SLC17A5: variants seen among roughly 807,000 people sequenced by gnomAD.
The protein encoded by SLC17A5 is sialin.
A neutral mutation model predicts 59.4 loss-of-function variants in SLC17A5; 47 were observed. The ratio of observed to expected loss-of-function variants is 0.79; its 90% CI spans 0.63 to 1.01. The LOEUF (loss-of-function observed/expected upper bound fraction) is 1.01, where lower values mean the gene tolerates loss of function less well. Ranked by LOEUF, SLC17A5 falls within the 50% of genes least tolerant of loss-of-function variation. The pLI, the probability that SLC17A5 is intolerant of heterozygous loss-of-function variation, is 0.00. For missense variants in SLC17A5, 522 were observed against 595.5 expected, an observed-to-expected ratio of 0.88 and a Z score of 1.28; for synonymous variants, 202 against 210.7, an observed-to-expected ratio of 0.96 and a Z score of 0.36.
At chr6:73,653,115 T>C (rs1769945227) in intron 1 of SLC17A5, 1 of 985,312 alleles carries the variant, frequency 1.0e-6, no homozygotes, top group South Asian at 4.7e-5. Context: ...AATCATAGAC[T>C]GCCAGACGGA....
intron 7 of SLC17A5, among the ~76,000 whole-genome samples, chr6:73,619,254 T>C (rs1185646181): frequency 6.6e-6 from 1 of 152,150 alleles, no homozygotes; most frequent in Non-Finnish European, 1.5e-5. Context: ...GTTGGAAAAA[T>C]GGTGCTAACG....
intron 6 of SLC17A5, among the ~76,000 whole-genome samples, chr6:73,624,998 C>T (rs1016654579): frequency 4.6e-5 from 7 of 152,094 alleles, no homozygotes; most frequent in Non-Finnish European, 7.4e-5. Flanking sequence ...ATTTTCTATA[C>T]GCTAAGACTG....
At chr6:73,632,984 A>G (rs1217580106) in intron 6 of SLC17A5, among the ~76,000 whole-genome samples, 2 of 151,858 alleles carry the variant, frequency 1.3e-5, no homozygotes, top group Non-Finnish European at 2.9e-5. Context: ...AAACTTTCAA[A>G]GTAACTTAAC....
chr6:73,641,601 G>T, intron 3 of SLC17A5, 90 bp downstream of exon 3: 5 of 926,368 alleles, frequency 5.4e-6, no homozygotes, highest in African/African-American at 1.7e-5. Flanking sequence ...GTTATTTTTT[G>T]GTTCATATTC....
chr6:73,604,903 GAT>G (rs1767324431), intron 9 of SLC17A5, among the ~76,000 whole-genome samples: 1 of 152,044 alleles, frequency 6.6e-6, no homozygotes, highest in South Asian at 2.1e-4. Flanking sequence ...TGGAAAACCT[GAT>G]ATCAGACATG....
intron 9 of SLC17A5, among the ~76,000 whole-genome samples, chr6:73,603,312 G>A (rs1452091717): frequency 6.6e-6 from 1 of 151,936 alleles, no homozygotes; most frequent in East Asian, 1.9e-4. Flanking sequence ...TTGAACTCCT[G>A]ATCTCAGGTG....
chr6:73,648,877 T>C (rs1342640924), intron 1 of SLC17A5, among the ~76,000 whole-genome samples: 1 of 151,986 alleles, frequency 6.6e-6, no homozygotes, highest in Non-Finnish European at 1.5e-5. Flanking sequence ...CAGATAAACA[T>C]AGGGAGAGCA....
chr6:73,630,459 A>C (rs1264888351), intron 6 of SLC17A5, among the ~76,000 whole-genome samples: 3 of 152,214 alleles, frequency 2.0e-5, no homozygotes, highest in Admixed American at 6.6e-5. Flanking sequence ...TTGCTTGTCC[A>C]GCTCAGATCT....
At chr6:73,618,889 T>G (rs1181305568) in intron 7 of SLC17A5, among the ~76,000 whole-genome samples, 1 of 152,078 alleles carries the variant, frequency 6.6e-6, no homozygotes, top group Non-Finnish European at 1.5e-5. Context: ...CATGCCTGGC[T>G]AACTTCTTTT....
chr6:73,634,740 A>G (rs376449845), intron 6 of SLC17A5, among the ~76,000 whole-genome samples: 1 of 152,136 alleles, frequency 6.6e-6, no homozygotes, highest in Non-Finnish European at 1.5e-5. Flanking sequence ...GAACTCTGAA[A>G]TGCTCCAATG....
intron 8 of SLC17A5, among the ~76,000 whole-genome samples, chr6:73,613,040 TCAA>T (rs1212856095): frequency 4.3e-5 from 5 of 115,602 alleles, no homozygotes; most frequent in African/African-American, 1.6e-4. Context: ...AGACCCTGTC[TCAA>T]AAAAAAAAAA....
In SLC17A5 at chr6:73,595,118, G is replaced by C; in HGVS notation, c.1447C>G (p.Gln483Glu). 1 of 1,614,076 alleles carries C rather than the reference G, an allele frequency of 6.2e-7. No individual in the cohort carries two copies. The highest frequency in any genetic ancestry group is 8.5e-7 in the Non-Finnish European group (1 of 1,180,006). Residue 483 changes from glutamine to glutamate, a missense_variant, in exon 11 of 11, where the codon CAA becomes GAA. This residue lies in a region of SLC17A5 where 153 missense variants were observed against 168.5 expected (regional missense o/e 0.91). Transcript: ENST00000355773. ...FFTLFAKGEVQNWALNDHHGH... is the reference protein window; with the variant it reads ...FFTLFAKGEVENWALNDHHGH... ...TGGTGATCATTGAGAGCCCAGTTTT[G>C]TACTTCACCTTTGGCGAATAGTGTA... is the stretch of plus-strand genomic sequence containing the variant.
chr6:73,625,903 T>C (rs1768387077), intron 6 of SLC17A5, among the ~76,000 whole-genome samples: 2 of 152,204 alleles, frequency 1.3e-5, no homozygotes, highest in South Asian at 2.1e-4. Flanking sequence ...TGGGACCCAC[T>C]GCTGTAGAGA....
At chr6:73,615,573 T>C in intron 7 of SLC17A5, 126 bp from the exon 8 acceptor site, 1 of 933,078 alleles carries the variant, frequency 1.1e-6, no homozygotes, top group Non-Finnish European at 1.7e-6. Flanking sequence ...TTGTTAATTT[T>C]TTAATATAAT....
intron 7 of SLC17A5, among the ~76,000 whole-genome samples, chr6:73,618,881 T>G (rs674482): frequency 4.6e-5 from 7 of 151,898 alleles, no homozygotes; most frequent in Admixed American, 6.6e-5. Flanking sequence ...CGAGCTGCCA[T>G]GCCTGGCTAA....
chr6:73,606,613 G>T (rs1767402086), intron 9 of SLC17A5, among the ~76,000 whole-genome samples: 1 of 151,994 alleles, frequency 6.6e-6, no homozygotes, highest in Non-Finnish European at 1.5e-5. Flanking sequence ...TCAGGCACAG[G>T]ATCCCCCTGC....
intron 6 of SLC17A5, among the ~76,000 whole-genome samples, chr6:73,627,198 TCCTGAG>T (rs1184538093): frequency 6.6e-6 from 1 of 152,122 alleles, no homozygotes. Flanking sequence ...TGCCTCAGCT[TCCTGAG>T]TAGCTGGGAC....
intron 1 of SLC17A5, among the ~76,000 whole-genome samples, chr6:73,645,959 G>C (rs1769540607): frequency 6.6e-6 from 1 of 152,076 alleles, no homozygotes; most frequent in African/African-American, 2.4e-5. Flanking sequence ...ATAGGATTCA[G>C]GATGCTGACT....
At chr6:73,635,294 T>C in intron 6 of SLC17A5, 88 bp downstream of exon 6, 1 of 766,398 alleles carries the variant, frequency 1.3e-6, no homozygotes, top group Admixed American at 1.9e-5. Context: ...GCATGCACAA[T>C]AGGAATATAT....
Sources: gnomAD v4.1 joint callset for allele counts (sites outside exome capture counted in the v4.1 genomes callset) on GRCh38, gnomAD v4.1.1 for gene constraint, gnomAD v4.1.1 regional missense constraint, MANE v1.5 for transcripts, NCBI Gene and HGNC (gene_info 2026-07-23, HGNC 2026-07-21) for gene names.